The following GMCL1 variants were observed in gnomAD, a reference collection of about 807,000 sequenced individuals.
The protein encoded by GMCL1 is germ cell-less protein-like 1.
In GMCL1, 54 loss-of-function variants were observed where a neutral mutation model predicts 75.5. The observed-to-expected ratio is 0.71, with a 90% CI of 0.57 to 0.90. The LOEUF (loss-of-function observed/expected upper bound fraction) is 0.90, where lower values mean the gene tolerates loss of function less well. Among genes scored for constraint, GMCL1 ranks in the 40% least tolerant of loss-of-function variants. The pLI is 0.00. For synonymous variants in GMCL1, 210 were observed against 209.6 expected (o/e 1.00, Z -0.02); for missense variants, 537 against 622.7 (o/e 0.86, Z 1.47).
chr2:69,854,875 A>C lies in GMCL1; in HGVS notation c.987A>C (p.Ser329=). Residue 329 remains serine, a synonymous_variant, in exon 9 of 14, where the codon TCA becomes TCC. Coordinates refer to ENST00000282570, the MANE Select transcript of GMCL1 (RefSeq NM_178439.5). ...LETEQGKPFV[S]VFRHLRLQYI... Reference sequence around the variant, plus strand: ...CTGAACAAGGAAAACCATTTGTGTCAGTATTCAGACATTTAAGGTTACAAT... The same window carrying C: ...CTGAACAAGGAAAACCATTTGTGTCCGTATTCAGACATTTAAGGTTACAAT... 6.2e-7 allele frequency: 1 copy of C among 1,609,992 alleles called. No individual in the cohort carries two copies. Among genetic ancestry groups the C allele is most frequent in the East Asian group, 2.2e-5 (1 of 44,738 alleles).
rs139835828 is a variant in GMCL1, at chr2:69,866,907, G to T, written c.1218+1932G>T. ...TACTATACCACCTACTACTCTTATT[G>T]TGGCCATAATTCACTGAGTTCACTG... is the stretch of plus-strand genomic sequence containing the variant. On this transcript the variant is annotated intron_variant, in intron 11 of 13. Coordinates refer to ENST00000282570, the MANE Select transcript of GMCL1 (RefSeq NM_178439.5). Among the ~76,000 whole-genome samples, 1,010 of 151,406 alleles carry T rather than the reference G, an allele frequency of 6.7e-3. 12 individuals are homozygous for T. The highest frequency in any genetic ancestry group is 0.022 in the African/African-American group (903 of 41,244).
chr2:69,844,514 G>A (rs1675077329), intron 6 of GMCL1: 1 of 159,558 alleles, frequency 6.3e-6, no homozygotes, highest in African/African-American at 2.5e-5. Context: ...CTTTTTTATT[G>A]AGAAATAAGT....
chr2:69,839,614 G>A, intron 3 of GMCL1, 61 bp downstream of exon 3: 1 of 1,089,908 alleles, frequency 9.2e-7, no homozygotes, highest in South Asian at 1.3e-5. Flanking sequence ...TATTCTTCTG[G>A]TAGAAGATAA....
In GMCL1 at chr2:69,856,640, CTTT is replaced by C. The variant is rs34707640; in HGVS notation, c.1072+1706_1072+1708del. Among the ~76,000 whole-genome samples the C allele has an allele frequency of 6.2e-3, 554 of 89,854 alleles. 9 individuals are homozygous for C. The highest frequency in any genetic ancestry group is 0.018 in the African/African-American group (460 of 25,106). The allele number at this position is 89,854 out of a possible 152,430, so 58.9% of individuals were successfully genotyped here. A position where few individuals can be genotyped will look rare whatever the true frequency, so the allele number is the denominator to read the frequency against. On this transcript the variant is annotated intron_variant, in intron 9 of 13. Coordinates refer to ENST00000282570, the MANE Select transcript of GMCL1 (RefSeq NM_178439.5). Reference sequence around the variant, plus strand: ...AACAAAATCTTCCATCTCTTCCCTCCTTTTTTTTTTTTTTTTTTTTTTTTTTTT... The same window carrying C: ...AACAAAATCTTCCATCTCTTCCCTCCTTTTTTTTTTTTTTTTTTTTTTTTT...
intron 9 of GMCL1, among the ~76,000 whole-genome samples, chr2:69,858,429 T>G (rs1675543163): frequency 6.6e-6 from 1 of 152,236 alleles, no homozygotes; most frequent in Non-Finnish European, 1.5e-5. Flanking sequence ...TTGAAGGCAC[T>G]TTTTCAGAAT....
chr2:69,875,542 G>A (rs909437632), intron 13 of GMCL1, among the ~76,000 whole-genome samples: 8 of 152,082 alleles, frequency 5.3e-5, no homozygotes, highest in African/African-American at 1.9e-4. Flanking sequence ...GATTAAATAT[G>A]TAGAGTAGTT....
chr2:69,847,878 A>T (rs1331114383), intron 7 of GMCL1, among the ~76,000 whole-genome samples: 4 of 152,196 alleles, frequency 2.6e-5, no homozygotes, highest in Non-Finnish European at 4.4e-5. Flanking sequence ...TTAACAAAAA[A>T]TATGTTATTG....
At chr2:69,851,525 G>A (rs923791301) in intron 8 of GMCL1, among the ~76,000 whole-genome samples, 2 of 152,058 alleles carry the variant, frequency 1.3e-5, no homozygotes, top group Admixed American at 6.6e-5. Flanking sequence ...GAGGAGAATC[G>A]CTGGAAACCA....
chr2:69,877,487 TC>T (rs1676157434), intron 13 of GMCL1, among the ~76,000 whole-genome samples: 2 of 152,182 alleles, frequency 1.3e-5, no homozygotes, highest in African/African-American at 4.8e-5. Flanking sequence ...AAAACATTTG[TC>T]CTCAACAAAT....
chr2:69,880,847 CAAAAAAAAAAA>C lies in GMCL1; in HGVS notation c.*1854_*1864del, dbSNP rs34977461. ...TAGGCGACAGAGTGAGACTCCGTCT[CAAAAAAAAAAA>C]AAAAAAAAAAGAGGCTACTGTACTT... is the stretch of plus-strand genomic sequence containing the variant. On this transcript the variant is annotated 3_prime_UTR_variant, in exon 14 of 14. Transcript: ENST00000282570. 1 of 97,356 alleles carries C rather than the reference CAAAAAAAAAAA, an allele frequency of 1.0e-5. No individual in the cohort carries two copies. Among genetic ancestry groups the C allele is most frequent in the Non-Finnish European group, 2.1e-5 (1 of 46,542 alleles). The allele number at this position is 97,356 out of a possible 1,614,324, so 6.0% of individuals were successfully genotyped here. A position where few individuals can be genotyped will look rare whatever the true frequency, so the allele number is the denominator to read the frequency against.
intron 1 of GMCL1, among the ~76,000 whole-genome samples, chr2:69,833,768 C>T (rs544300881): frequency 1.3e-5 from 2 of 152,330 alleles, no homozygotes; most frequent in South Asian, 4.1e-4. Context: ...GCCCAACTTC[C>T]ACCTCATACC....
At chr2:69,878,189 A>G (rs1220471553) in intron 13 of GMCL1, among the ~76,000 whole-genome samples, 3 of 152,188 alleles carry the variant, frequency 2.0e-5, no homozygotes, top group Non-Finnish European at 4.4e-5. Flanking sequence ...TTGCTTTTCC[A>G]TGATAATGTA....
At chr2:69,866,423 TTTTGAC>T (rs1675819545) in intron 11 of GMCL1, among the ~76,000 whole-genome samples, 1 of 152,172 alleles carries the variant, frequency 6.6e-6, no homozygotes, top group African/African-American at 2.4e-5. Flanking sequence ...CTTTTCCTCA[TTTTGAC>T]TTTATTTATT....
chr2:69,840,843 G>A (rs1371861347), intron 3 of GMCL1, 99 bp from the exon 4 acceptor site: 8 of 690,362 alleles, frequency 1.2e-5, no homozygotes, highest in Non-Finnish European at 1.4e-5. Context: ...ACATTTAGAC[G>A]GATGTCTTTG....
At chr2:69,869,311 G>A (rs1193131630) in intron 11 of GMCL1, among the ~76,000 whole-genome samples, 2 of 135,674 alleles carry the variant, frequency 1.5e-5, no homozygotes, top group African/African-American at 2.8e-5. Flanking sequence ...CCAGCTACTT[G>A]GGAGGCTGAG....
At chr2:69,858,114 C>T (rs1331719181) in intron 9 of GMCL1, among the ~76,000 whole-genome samples, 1 of 152,100 alleles carries the variant, frequency 6.6e-6, no homozygotes, top group African/African-American at 2.4e-5. Context: ...ATCACAGCTG[C>T]AGATCAGATC....
At chr2:69,851,835 A>G (rs570897238) in intron 8 of GMCL1, among the ~76,000 whole-genome samples, 1 of 152,308 alleles carries the variant, frequency 6.6e-6, no homozygotes, top group Admixed American at 6.5e-5. Flanking sequence ...TTTATATCTT[A>G]GTTAAATACA....
chr2:69,871,719 A>AT (rs753886555), intron 12 of GMCL1, 26 bp from the exon 13 acceptor site: 88 of 1,260,002 alleles, frequency 7.0e-5, no homozygotes, highest in Non-Finnish European at 7.3e-5. Flanking sequence ...TCTTGTGTTT[A>AT]TTTTTTATTT....
Position 69,854,713 on chromosome 2 carries a change from C to T in GMCL1, c.935-110C>T. ...AAATTCTTGAGAACTTTAAAACTAG[C>T]TTATTTTGTATTCTAATAGACATGA... On this transcript the variant is annotated intron_variant, in intron 8 of 13. Coordinates refer to ENST00000282570, the MANE Select transcript of GMCL1 (RefSeq NM_178439.5). 2.0e-5 allele frequency: 16 copies of T among 795,048 alleles called. No homozygotes were observed. The South Asian group carries it at 3.4e-4, about 17-fold the overall frequency. The allele number at this position is 795,048 out of a possible 1,614,324, so 49.2% of individuals were successfully genotyped here.
Sources: allele counts gnomAD v4.1 joint callset (sites outside exome capture counted in the v4.1 genomes callset), GRCh38; gene constraint gnomAD v4.1.1; transcripts MANE v1.5; gene names NCBI Gene and HGNC (gene_info 2026-07-23, HGNC 2026-07-21).